Variants in KATNBL1 observed in about 807,000 individuals in gnomAD.
KATNBL1 encodes the protein katanin regulatory subunit B1 like 1.
KATNBL1 carries 28 observed loss-of-function variants against 44.7 expected under a neutral mutation model. The observed-to-expected ratio is 0.63, with a 90% CI of 0.46 to 0.86. The LOEUF is 0.86. Among genes scored for constraint, KATNBL1 ranks in the 40% least tolerant of loss-of-function variants. KATNBL1 has a pLI of 0.00. For missense variants in KATNBL1, 272 were observed against 350.7 expected (o/e 0.78, Z 1.79); for synonymous variants, 78 against 114.9 (o/e 0.68, Z 2.06).
chr15:34,203,517 T>C (rs1890219843), intron 1 of KATNBL1, among the ~76,000 whole-genome samples: 1 of 152,116 alleles, frequency 6.6e-6, no homozygotes, highest in Non-Finnish European at 1.5e-5. Context: ...AACCCCACCC[T>C]CACTTACAAT....
rs139065185 is a variant in KATNBL1 at position 34,199,428 on chromosome 15, C to T, written c.-15+10523G>A. On this transcript the variant is annotated intron_variant, in intron 1 of 9. Coordinates refer to ENST00000256544, the MANE Select transcript of KATNBL1 (RefSeq NM_024713.3). The stretch of plus-strand genomic sequence containing the variant: ...CTCCAGCCTAGATGACAGGGCAAGA[C>T]TCCCATCTCAGAAAATGACAGACTA... 2.6e-3 allele frequency among the ~76,000 whole-genome samples: 391 copies of T among 152,324 alleles called. 5 individuals are homozygous for T. Among genetic ancestry groups the T allele is most frequent in the South Asian group, 6.0e-3 (29 of 4,830 alleles).
rs1476584230 is a variant in KATNBL1, at chr15:34,141,950, T to C, written c.*389A>G. The C allele has an allele frequency of 1.3e-5, 2 of 158,040 alleles. No individual in the cohort carries two copies. The highest frequency in any genetic ancestry group is 6.5e-5 in the Admixed American group (1 of 15,440). The allele number at this position is 158,040 out of a possible 1,614,324, so 9.8% of individuals were successfully genotyped here. On this transcript the variant is annotated 3_prime_UTR_variant, in exon 10 of 10. Coordinates refer to ENST00000256544, the MANE Select transcript of KATNBL1 (RefSeq NM_024713.3). ...ACAATCTTAAAAAAGTTAATGATGA[T>C]TGGTCTTGGTGGTTCCTAGTGGTAA...
chr15:34,174,409 A>C (rs1889259949), intron 1 of KATNBL1, among the ~76,000 whole-genome samples: 1 of 152,208 alleles, frequency 6.6e-6, no homozygotes. Flanking sequence ...CAACAAATAA[A>C]ACCAGGGAAA....
intron 1 of KATNBL1, among the ~76,000 whole-genome samples, chr15:34,178,410 G>T (rs976502906): frequency 6.6e-6 from 1 of 152,102 alleles, no homozygotes; most frequent in Admixed American, 6.6e-5. Flanking sequence ...TTCCCATGAG[G>T]CAGCTACCAT....
At chr15:34,181,829 TCC>T (rs1889567402) in intron 1 of KATNBL1, among the ~76,000 whole-genome samples, 2 of 87,326 alleles carry the variant, frequency 2.3e-5, no homozygotes, top group South Asian at 4.1e-4. Context: ...TCCATATATA[TCC>T]ATATATATAC....
chr15:34,192,605 G>C (rs1889908821), intron 1 of KATNBL1, among the ~76,000 whole-genome samples: 1 of 152,122 alleles, frequency 6.6e-6, no homozygotes, highest in South Asian at 2.1e-4. Context: ...AATCGACTTT[G>C]TTTCAGTAAG....
intron 4 of KATNBL1, among the ~76,000 whole-genome samples, chr15:34,150,572 T>TCAG (rs1888438524): frequency 6.6e-6 from 1 of 152,158 alleles, no homozygotes; most frequent in Admixed American, 6.5e-5. Flanking sequence ...CCAGCCTGGG[T>TCAG]GATAGAGCGA....
intron 2 of KATNBL1, among the ~76,000 whole-genome samples, chr15:34,158,132 C>T (rs1054793354): frequency 5.3e-5 from 8 of 152,130 alleles, no homozygotes; most frequent in Admixed American, 2.0e-4. Flanking sequence ...TATTAGTCAT[C>T]CTAAATACTA....
chr15:34,144,620 G>A (rs1888255521), intron 9 of KATNBL1, among the ~76,000 whole-genome samples: 1 of 150,826 alleles, frequency 6.6e-6, no homozygotes, highest in African/African-American at 2.4e-5. Context: ...GCCCAAACTG[G>A]AGTGCAATGG....
Position 34,142,209 on chromosome 15 carries a change from T to G in KATNBL1, c.*130A>C, listed in dbSNP as rs1345092907. 1.0e-6 allele frequency: 1 copy of G among 962,742 alleles called. No homozygotes were observed. The highest frequency in any genetic ancestry group is 1.4e-6 in the Non-Finnish European group (1 of 705,336). 59.6% of individuals were successfully genotyped at this position (962,742 alleles called of 1,614,324 possible). ...TTCATTAGTGGTTTCATTACGTGGCTTTTTAAAAGAAAAAATAGTTTTGAT... is the reference window on the plus strand; with the variant it reads ...TTCATTAGTGGTTTCATTACGTGGCGTTTTAAAAGAAAAAATAGTTTTGAT... On this transcript the variant is annotated 3_prime_UTR_variant, in exon 10 of 10. Coordinates refer to ENST00000256544, the MANE Select transcript of KATNBL1 (RefSeq NM_024713.3).
At chr15:34,156,558 A>G (rs926633526) in intron 2 of KATNBL1, among the ~76,000 whole-genome samples, 1 of 152,216 alleles carries the variant, frequency 6.6e-6, no homozygotes, top group African/African-American at 2.4e-5. Flanking sequence ...TAGGACTTTG[A>G]CTTCTACAAT....
Position 34,163,694 on chromosome 15 carries a change from G to A in KATNBL1, c.-14-4C>T, listed in dbSNP as rs750256937. The A allele has an allele frequency of 9.7e-6, 14 of 1,450,502 alleles. No homozygotes were observed. The highest frequency in any genetic ancestry group is 1.3e-5 in the Non-Finnish European group (14 of 1,070,470). 89.9% of individuals were successfully genotyped at this position (1,450,502 alleles called of 1,614,324 possible). ...GATGCCATAATCTCTTAAGTACCTAGACAATAAAATAAAATAGAAAATTAA... is the reference window on the plus strand; with the variant it reads ...GATGCCATAATCTCTTAAGTACCTAAACAATAAAATAAAATAGAAAATTAA... On this transcript the variant is annotated splice_region_variant and splice_polypyrimidine_tract_variant and intron_variant, in intron 1 of 9. Transcript: ENST00000256544.
At chr15:34,194,020 C>T (rs1343602437) in intron 1 of KATNBL1, among the ~76,000 whole-genome samples, 1 of 152,082 alleles carries the variant, frequency 6.6e-6, no homozygotes, top group African/African-American at 2.4e-5. Flanking sequence ...CGGCTCACCA[C>T]AACGTCCGCC....
intron 1 of KATNBL1, among the ~76,000 whole-genome samples, chr15:34,186,012 G>T (rs147206831): frequency 6.6e-6 from 1 of 152,228 alleles, no homozygotes; most frequent in East Asian, 1.9e-4. Flanking sequence ...TTTTAAGATC[G>T]GGAGGGTCAA....
intron 1 of KATNBL1, among the ~76,000 whole-genome samples, chr15:34,195,396 G>A (rs544277062): frequency 6.6e-6 from 1 of 152,260 alleles, no homozygotes; most frequent in Non-Finnish European, 1.5e-5. Flanking sequence ...ACATATGAAA[G>A]CAGTGTGGAA....
intron 1 of KATNBL1, chr15:34,209,656 C>A: frequency 6.6e-6 from 1 of 152,386 alleles, no homozygotes. Flanking sequence ...GCTGTCGACT[C>A]CACCCGAAGA....
intron 1 of KATNBL1, among the ~76,000 whole-genome samples, chr15:34,208,116 G>T (rs532123359): frequency 6.6e-6 from 1 of 152,014 alleles, no homozygotes; most frequent in East Asian, 1.9e-4. Context: ...TATTTCAATA[G>T]GTTTTTGGGG....
intron 4 of KATNBL1, among the ~76,000 whole-genome samples, chr15:34,150,548 T>A (rs1888437013): frequency 6.6e-6 from 1 of 152,166 alleles, no homozygotes; most frequent in Non-Finnish European, 1.5e-5. Flanking sequence ...GAGCCAAGAT[T>A]GCACCACTGC....
intron 9 of KATNBL1, among the ~76,000 whole-genome samples, chr15:34,144,436 A>T (rs1049219129): frequency 3.9e-4 from 59 of 150,774 alleles, no homozygotes; most frequent in African/African-American, 6.8e-4. Flanking sequence ...ATATATATAT[A>T]TTTTTAAAAC....
Sources: gnomAD v4.1 joint callset for allele counts (sites outside exome capture counted in the v4.1 genomes callset) on GRCh38, gnomAD v4.1.1 for gene constraint, MANE v1.5 for transcripts, NCBI Gene and HGNC (gene_info 2026-07-23, HGNC 2026-07-21) for gene names.